Variants in RUNX3 observed in about 807,000 individuals in gnomAD.
The protein encoded by RUNX3 is RUNX family transcription factor 3, also known as runt-related transcription factor 3.
A neutral mutation model predicts 27.7 loss-of-function variants in RUNX3; 10 were observed. The ratio of observed to expected loss-of-function variants is 0.36; its 90% CI spans 0.22 to 0.61. RUNX3 has a LOEUF of 0.61. Ranked by LOEUF, RUNX3 falls within the 20% of genes least tolerant of loss-of-function variation. The pLI is 0.72. For missense variants in RUNX3, 469 were observed against 629.5 expected, an observed-to-expected ratio of 0.75 and a Z score of 2.73; for synonymous variants, 270 against 269.2, an observed-to-expected ratio of 1.00 and a Z score of -0.03.
In RUNX3 at chr1:24,922,737, A is replaced by G. The variant is rs1164263280; in HGVS notation, c.440-3393T>C. Among the ~76,000 whole-genome samples, 4 of 147,118 alleles carry G rather than the reference A, an allele frequency of 2.7e-5. No individual in the cohort carries two copies. In the East Asian group the frequency reaches 8.3e-4, roughly 30 times the overall value. On this transcript the variant is annotated intron_variant, in intron 2 of 4. Transcript: ENST00000308873. ...ATACCTTAAAAATATCATTGTTCTG[A>G]GAAAGGTGTGCGGGCTTCACCAGCT... is the stretch of plus-strand genomic sequence containing the variant.
chr1:24,936,652 G>A (rs1006848338), intron 2 of RUNX3, among the ~76,000 whole-genome samples: 16 of 152,076 alleles, frequency 1.1e-4, no homozygotes, highest in African/African-American at 3.6e-4. Flanking sequence ...GCTACCTCCC[G>A]CTGACTCCGC....
chr1:24,956,667 C>T (rs553375112), intron 2 of RUNX3, among the ~76,000 whole-genome samples: 1 of 152,124 alleles, frequency 6.6e-6, no homozygotes, highest in African/African-American at 2.4e-5. Flanking sequence ...CCCTGCTTAC[C>T]CCACGGAGGT....
chr1:24,949,376 C>G (rs187837331), intron 2 of RUNX3, among the ~76,000 whole-genome samples: 368 of 152,300 alleles, frequency 2.4e-3, no homozygotes, highest in Non-Finnish European at 3.9e-3. Flanking sequence ...CCCCGCCCCC[C>G]GTGAGCAGAC....
intron 2 of RUNX3, among the ~76,000 whole-genome samples, chr1:24,936,941 T>A (rs376472073): frequency 6.6e-6 from 1 of 152,068 alleles, no homozygotes; most frequent in East Asian, 1.9e-4. Context: ...GCATCGCCCT[T>A]GGAAAAGAAA....
At chr1:24,942,661 T>C (rs1454964928) in intron 2 of RUNX3, among the ~76,000 whole-genome samples, 1 of 152,180 alleles carries the variant, frequency 6.6e-6, no homozygotes, top group Non-Finnish European at 1.5e-5. Context: ...TCTGCACTGC[T>C]AGTATCCCCA....
intron 2 of RUNX3, among the ~76,000 whole-genome samples, chr1:24,935,329 C>T (rs762338600): frequency 1.3e-5 from 2 of 152,182 alleles, no homozygotes; most frequent in Non-Finnish European, 2.9e-5. Flanking sequence ...ACATGCCATG[C>T]GGGTTCCATA....
intron 1 of RUNX3, chr1:24,928,892 T>G: frequency 2.6e-6 from 1 of 379,190 alleles, no homozygotes; most frequent in South Asian, 2.0e-5. Context: ...GTGAGAGGTT[T>G]AGGGGAAAAC....
In RUNX3 at chr1:24,923,991, G is replaced by T. The variant is rs1338869935; in HGVS notation, c.439+3583C>A. The stretch of plus-strand genomic sequence containing the variant: ...TGCCAGCGTTAGGGGTGGGGTGCGT[G>T]TATGTGGTGGGGGATGCCAGCACCC... On this transcript the variant is annotated intron_variant, in intron 2 of 4. Coordinates refer to ENST00000308873, the MANE Select transcript of RUNX3 (RefSeq NM_004350.3). This position sits in a 1 kb window ranked among gnomAD's most constrained non-coding sequence, Gnocchi z 5.9. Among the ~76,000 whole-genome samples the T allele has an allele frequency of 5.9e-5, 9 of 152,192 alleles. No homozygotes were observed.
At chr1:24,958,042 A>C (rs2124381812) in intron 2 of RUNX3, among the ~76,000 whole-genome samples, 1 of 152,288 alleles carries the variant, frequency 6.6e-6, no homozygotes, top group Non-Finnish European at 1.5e-5. Flanking sequence ...AAAGAGCAGG[A>C]GGGTGAGATG....
chr1:24,904,172 A>G lies in RUNX3; in HGVS notation c.704-1506T>C, dbSNP rs981959662. ...CAGCAACCCCTCTGTGTCACCCACC[A>G]AAGGATAAGGGCCGGTGCTAGCCGG... On this transcript the variant is annotated intron_variant, in intron 4 of 4. Coordinates refer to ENST00000308873, the MANE Select transcript of RUNX3 (RefSeq NM_004350.3). This position sits in a 1 kb window ranked among gnomAD's most constrained non-coding sequence, Gnocchi z 5.7. Among the ~76,000 whole-genome samples the G allele has an allele frequency of 1.3e-5, 2 of 152,158 alleles. No homozygotes were observed. The highest frequency in any genetic ancestry group is 4.8e-5 in the African/African-American group (2 of 41,450).
chr1:24,964,888 C>T lies in RUNX3; in HGVS notation c.-150G>A, dbSNP rs1440078150. 1.7e-4 allele frequency: 82 copies of T among 475,614 alleles called. 1 individual carries two copies. The Middle Eastern group carries it at 4.0e-3, about 23-fold the overall frequency. The allele number at this position is 475,614 out of a possible 1,614,324, so 29.5% of individuals were successfully genotyped here. On this transcript the variant is annotated 5_prime_UTR_variant, in exon 1 of 7. Transcript: ENST00000338888. ...GGAATGTCTAGCCACAAATTCTCAACAGAAGCGTATGCAGAGTGTATCATT... is the reference window on the plus strand; with the variant it reads ...GGAATGTCTAGCCACAAATTCTCAATAGAAGCGTATGCAGAGTGTATCATT...
At chr1:24,919,550 C>T in intron 2 of RUNX3, 11 of 480,602 alleles carry the variant, frequency 2.3e-5, no homozygotes, top group Middle Eastern at 5.4e-4. Flanking sequence ...CTGACGCCAA[C>T]TTTGTCAACC....
At chr1:24,926,180 A>G (rs11249202) in intron 2 of RUNX3, among the ~76,000 whole-genome samples, 7,266 of 152,300 alleles carry the variant, frequency 0.048, 516 homozygotes, top group African/African-American at 0.16. Flanking sequence ...CGCAGTCAGC[A>G]GAGCTCATCA....
chr1:24,941,298 C>T (rs1641473897), intron 2 of RUNX3, among the ~76,000 whole-genome samples: 1 of 152,178 alleles, frequency 6.6e-6, no homozygotes, highest in Non-Finnish European at 1.5e-5. Flanking sequence ...AAGGAAGTCC[C>T]TTGCACCTAC....
At chr1:24,964,693 G>C (rs559139016) in intron 1 of RUNX3, 2 of 1,497,952 alleles carry the variant, frequency 1.3e-6, no homozygotes, top group East Asian at 5.0e-5. Flanking sequence ...AGGGGGGGGT[G>C]TTGCTTTTTG....
rs991379860 is a variant in RUNX3, at chr1:24,929,103, C to T, written c.282+484G>A. ...GAGCAGTGCCCCGATCCCGGCCTAGCGCCGTCCGGTAAAATTTCGGAAGCC... is the reference window on the plus strand; with the variant it reads ...GAGCAGTGCCCCGATCCCGGCCTAGTGCCGTCCGGTAAAATTTCGGAAGCC... On this transcript the variant is annotated intron_variant, in intron 1 of 4. Coordinates refer to ENST00000308873, the MANE Select transcript of RUNX3 (RefSeq NM_004350.3). The T allele has an allele frequency of 6.5e-6, 3 of 459,726 alleles. No individual in the cohort carries two copies. The Admixed American group carries it at 7.0e-5, about 11-fold the overall frequency. 28.5% of individuals were successfully genotyped at this position (459,726 alleles called of 1,614,324 possible). A position where few individuals can be genotyped will look rare whatever the true frequency, so the allele number is the denominator to read the frequency against.
chr1:24,932,337 G>T (rs964939751), upstream of RUNX3, among the ~76,000 whole-genome samples: 1 of 151,882 alleles, frequency 6.6e-6, no homozygotes, highest in African/African-American at 2.4e-5. Flanking sequence ...GGGGGAGGGG[G>T]GGCGGGTGCA....
chr1:24,912,724 G>A (rs1571308525), intron 3 of RUNX3, among the ~76,000 whole-genome samples: 1 of 151,762 alleles, frequency 6.6e-6, no homozygotes, highest in African/African-American at 2.4e-5. Context: ...TGAGGCTCTG[G>A]ACAGCCAGTG....
intron 4 of RUNX3, among the ~76,000 whole-genome samples, chr1:24,903,418 GAC>G (rs1640606362): frequency 6.6e-6 from 1 of 152,220 alleles, no homozygotes; most frequent in Admixed American, 6.5e-5. Context: ...AGCAAAGTGA[GAC>G]AGCAGTCAGA....
Sources: gnomAD v4.1 joint callset for allele counts (sites outside exome capture counted in the v4.1 genomes callset) on GRCh38, gnomAD v4.1.1 for gene constraint, Gnocchi (gnomAD v3.1) non-coding constraint, MANE v1.5 for transcripts, NCBI Gene and HGNC (gene_info 2026-07-23, HGNC 2026-07-21) for gene names.